RELCH: variants seen among roughly 807,000 people sequenced by gnomAD.
The protein encoded by RELCH is RAB11-binding protein RELCH.
Under a neutral mutation model 150.3 loss-of-function variants are expected in RELCH, and 41 were observed. The ratio of observed to expected loss-of-function variants is 0.27; its 90% CI spans 0.21 to 0.35. RELCH has a LOEUF of 0.35. Among genes scored for constraint, RELCH ranks in the 10% least tolerant of loss-of-function variants. The pLI is 1.00. For synonymous variants in RELCH, 478 were observed against 531.8 expected, an observed-to-expected ratio of 0.90 and a Z score of 1.39; for missense variants, 1,092 against 1,467.8, an observed-to-expected ratio of 0.74 and a Z score of 4.18.
At chr18:62,244,188 T>G (rs905093882) in intron 10 of RELCH, among the ~76,000 whole-genome samples, 1 of 152,132 alleles carries the variant, frequency 6.6e-6, no homozygotes, top group African/African-American at 2.4e-5. Context: ...AAACAAAATA[T>G]TGTTAAAATT....
rs2045960237 is a variant in RELCH, at chr18:62,309,727, A to C, written c.*4193A>C. 1 of 152,182 alleles carries C rather than the reference A, an allele frequency of 6.6e-6. No homozygotes were observed. The highest frequency in any genetic ancestry group is 1.5e-5 in the Non-Finnish European group (1 of 68,028). The allele number at this position is 152,182 out of a possible 1,614,324, so 9.4% of individuals were successfully genotyped here. A position where few individuals can be genotyped will look rare whatever the true frequency, so the allele number is the denominator to read the frequency against. On this transcript the variant is annotated 3_prime_UTR_variant, in exon 29 of 29. Transcript: ENST00000644646. ...GCATATCTACATGGAGAACTATATT[A>C]CTATTTTAATTCCTTTTATTCCATT...
intron 19 of RELCH, among the ~76,000 whole-genome samples, chr18:62,267,356 C>T (rs75661614): frequency 1.3e-5 from 2 of 151,192 alleles, no homozygotes; most frequent in Non-Finnish European, 3.0e-5. Flanking sequence ...AGCACCCCCA[C>T]CCCCATTTTT....
intron 2 of RELCH, among the ~76,000 whole-genome samples, chr18:62,219,892 T>G: frequency 6.6e-6 from 1 of 152,088 alleles, no homozygotes; most frequent in East Asian, 1.9e-4. Flanking sequence ...ATTTGGCATC[T>G]TTTTTATGTG....
chr18:62,220,696 A>G (rs1237792169), intron 2 of RELCH, among the ~76,000 whole-genome samples: 1 of 152,010 alleles, frequency 6.6e-6, no homozygotes, highest in Non-Finnish European at 1.5e-5. Context: ...TCTTACCTAG[A>G]CTGAATAAAG....
At chr18:62,241,712 T>A (rs1436601023) in intron 10 of RELCH, among the ~76,000 whole-genome samples, 2 of 152,168 alleles carry the variant, frequency 1.3e-5, no homozygotes, top group Non-Finnish European at 1.5e-5. Flanking sequence ...CTATACTTTT[T>A]CAGTGTGAGA....
chr18:62,232,926 T>G (rs1461059324), intron 10 of RELCH, among the ~76,000 whole-genome samples: 1 of 152,050 alleles, frequency 6.6e-6, no homozygotes, highest in Non-Finnish European at 1.5e-5. Flanking sequence ...TAAATCACAT[T>G]TCTCTTATAA....
intron 12 of RELCH, among the ~76,000 whole-genome samples, chr18:62,253,543 T>G (rs2042840552): frequency 6.6e-6 from 1 of 152,104 alleles, no homozygotes; most frequent in African/African-American, 2.4e-5. Context: ...AAAGATGTGT[T>G]TCCTGCTTAT....
Position 62,255,402 on chromosome 18 carries a change from T to C in RELCH, c.1825-5T>C, listed in dbSNP as rs1264271602. 6.2e-7 allele frequency: 1 copy of C among 1,601,872 alleles called. No homozygotes were observed. The highest frequency in any genetic ancestry group is 1.3e-5 in the African/African-American group (1 of 74,604). On this transcript the variant is annotated splice_region_variant and splice_polypyrimidine_tract_variant and intron_variant, in intron 12 of 28. Coordinates refer to ENST00000644646, the MANE Select transcript of RELCH (RefSeq NM_001346231.2). ...TGCTTGATTTATTTATTTTTTTTGCTCTAGATTAATCACAAATACCCAGAA... is the reference window on the plus strand; with the variant it reads ...TGCTTGATTTATTTATTTTTTTTGCCCTAGATTAATCACAAATACCCAGAA...
chr18:62,254,475 C>T (rs1268607664), intron 12 of RELCH, among the ~76,000 whole-genome samples: 2 of 150,330 alleles, frequency 1.3e-5, no homozygotes, highest in African/African-American at 2.4e-5. Flanking sequence ...GAAAAGCAAA[C>T]GAAAGTTTAT....
chr18:62,252,542 T>C, intron 11 of RELCH, 122 bp from the exon 12 acceptor site: 1 of 697,132 alleles, frequency 1.4e-6, no homozygotes, highest in Non-Finnish European at 2.5e-6. Context: ...ATAAAAAGTC[T>C]AATTTGATTG....
intron 11 of RELCH, among the ~76,000 whole-genome samples, chr18:62,245,124 C>G (rs921992918): frequency 3.3e-5 from 5 of 150,616 alleles, no homozygotes; most frequent in African/African-American, 7.3e-5. Flanking sequence ...TTAAAGGGAC[C>G]TGGAATTTAC....
rs560398783 is a variant in RELCH, at chr18:62,272,994, A to G, written c.2761-986A>G. 1.8e-4 allele frequency among the ~76,000 whole-genome samples: 28 copies of G among 151,704 alleles called. 1 individual carries two copies. The highest frequency in any genetic ancestry group is 1.6e-3 in the Admixed American group (24 of 15,220). On this transcript the variant is annotated intron_variant, in intron 20 of 28. Coordinates refer to ENST00000644646, the MANE Select transcript of RELCH (RefSeq NM_001346231.2). ...TTCATGTTAACCATTACTTTTGTCA[A>G]TCCTTATCTCTACTTCATTCTTAAC...
chr18:62,245,846 T>C (rs1006614150), intron 11 of RELCH: 2 of 152,170 alleles, frequency 1.3e-5, no homozygotes, highest in African/African-American at 4.8e-5. Context: ...TAGTAATTGA[T>C]GATTAGATTA....
In RELCH at chr18:62,275,439, C is replaced by T; in HGVS notation, c.2933C>T (p.Ala978Val). Residue 978 changes from alanine (A) to valine (V), a missense_variant, in exon 22 of 29, where the codon GCA becomes GTA. Around this residue, in one of 4 missense-constraint regions of RELCH, gnomAD observed 707 missense variants for 1,025.4 expected, o/e 0.69. Transcript: ENST00000644646. The part of the protein sequence containing the change: ...VLWYGVVHTS[A>V]LVRCTAARMF... ...TGGTATGGTGTTGTCCATACTTCAG[C>T]ACTCGTGAGGTGTACTGCTGCTAGA... is the stretch of plus-strand genomic sequence containing the variant. The T allele has an allele frequency of 6.2e-7, 1 of 1,607,392 alleles. No homozygotes were observed. Among genetic ancestry groups the T allele is most frequent in the Non-Finnish European group, 8.5e-7 (1 of 1,176,648 alleles).
intron 10 of RELCH, among the ~76,000 whole-genome samples, chr18:62,233,411 G>A (rs1317031695): frequency 6.6e-6 from 1 of 151,800 alleles, no homozygotes; most frequent in Non-Finnish European, 1.5e-5. Context: ...CCCATTTAAA[G>A]CTTATTTTCA....
intron 7 of RELCH, 26 bp from the exon 8 acceptor site, chr18:62,228,279 A>G (rs2041339142): frequency 5.7e-6 from 9 of 1,573,570 alleles, no homozygotes; most frequent in Non-Finnish European, 7.8e-6. Flanking sequence ...TCCTCTGGTG[A>G]TTTCTCTTAA....
At chr18:62,244,630 C>T in intron 10 of RELCH, 134 bp from the exon 11 acceptor site, 1 of 570,398 alleles carries the variant, frequency 1.8e-6, no homozygotes, top group Admixed American at 3.0e-5. Flanking sequence ...ACCAACCTTA[C>T]AAAATTAAAA....
intron 13 of RELCH, among the ~76,000 whole-genome samples, chr18:62,256,121 G>T (rs1342766212): frequency 6.6e-6 from 1 of 151,920 alleles, no homozygotes; most frequent in Non-Finnish European, 1.5e-5. Flanking sequence ...CCATTTGCAG[G>T]AAAAGCACTT....
intron 5 of RELCH, among the ~76,000 whole-genome samples, chr18:62,223,865 C>A (rs2041034794): frequency 6.6e-6 from 1 of 152,120 alleles, no homozygotes; most frequent in Non-Finnish European, 1.5e-5. Context: ...CTCAATCCAA[C>A]ATCCATTCTC....
Sources: allele counts gnomAD v4.1 joint callset (sites outside exome capture counted in the v4.1 genomes callset), GRCh38; gene constraint gnomAD v4.1.1; regional missense constraint gnomAD v4.1.1; transcripts MANE v1.5; gene names NCBI Gene and HGNC (gene_info 2026-07-23, HGNC 2026-07-21).